The following CSMD3 variants were observed in gnomAD, a reference collection of about 807,000 sequenced individuals.
CSMD3 encodes CUB and Sushi multiple domains 3, also known as CUB and sushi domain-containing protein 3.
CSMD3 carries 177 observed loss-of-function variants against 435.2 expected under a neutral mutation model. That is an observed-to-expected ratio of 0.41 (90% CI 0.36 to 0.46). The LOEUF is 0.46. Ranked by LOEUF, CSMD3 falls within the 20% of genes least tolerant of loss-of-function variation. CSMD3 has a pLI of 0.34. For synonymous variants in CSMD3, 1,656 were observed against 1,520.5 expected, an observed-to-expected ratio of 1.09 and a Z score of -2.07; for missense variants, 4,265 against 4,504.6, an observed-to-expected ratio of 0.95 and a Z score of 1.52.
At chr8:112,592,164 C>A (rs1158372960) in intron 22 of CSMD3, among the ~76,000 whole-genome samples, 3 of 151,684 alleles carry the variant, frequency 2.0e-5, no homozygotes, top group Admixed American at 6.6e-5. Context: ...AATTTTTAGT[C>A]AAAAATATTT....
chr8:112,274,652 G>A (rs192700831), intron 59 of CSMD3, among the ~76,000 whole-genome samples: 28 of 152,150 alleles, frequency 1.8e-4, no homozygotes, highest in Non-Finnish European at 3.4e-4. Context: ...TTGTCATACA[G>A]AATTCTATAC....
chr8:113,332,656 T>C (rs1170039092), intron 1 of CSMD3, among the ~76,000 whole-genome samples: 4 of 151,722 alleles, frequency 2.6e-5, no homozygotes, highest in African/African-American at 7.2e-5. Context: ...TATCCTTTTT[T>C]TCATCAATTA....
intron 11 of CSMD3, among the ~76,000 whole-genome samples, chr8:112,834,843 G>A (rs2079975763): frequency 6.6e-6 from 1 of 151,732 alleles, no homozygotes; most frequent in African/African-American, 2.4e-5. Flanking sequence ...CATTTTGCCT[G>A]TTTTACTTCT....
chr8:112,729,231 A>T (rs187999272), intron 13 of CSMD3, among the ~76,000 whole-genome samples: 1 of 152,178 alleles, frequency 6.6e-6, no homozygotes, highest in Non-Finnish European at 1.5e-5. Flanking sequence ...GAGCAAAAGA[A>T]CAAGAGTGTT....
intron 13 of CSMD3, among the ~76,000 whole-genome samples, chr8:112,792,775 G>C (rs1231869165): frequency 6.6e-6 from 1 of 151,864 alleles, no homozygotes; most frequent in Non-Finnish European, 1.5e-5. Context: ...ATCTGTTTCT[G>C]CACCATTTAA....
chr8:112,747,083 A>G lies in CSMD3; in HGVS notation c.1972+53079T>C, dbSNP rs544100552. 2.7e-5 allele frequency among the ~76,000 whole-genome samples: 4 copies of G among 150,836 alleles called. No individual in the cohort carries two copies. The East Asian group carries it at 7.8e-4, about 30-fold the overall frequency. On this transcript the variant is annotated intron_variant, in intron 13 of 70. Coordinates refer to ENST00000297405, the MANE Select transcript of CSMD3 (RefSeq NM_198123.2). ...AAGGTACTACCCTTAAAATTTCCAT[A>G]TCATAATTCTACTCTTTCCTCTAGT...
At chr8:112,466,100 T>A (rs2130712360) in intron 32 of CSMD3, among the ~76,000 whole-genome samples, 1 of 152,218 alleles carries the variant, frequency 6.6e-6, no homozygotes, top group East Asian at 1.9e-4. Context: ...TTAGATAAAT[T>A]CAGTATTTAA....
intron 13 of CSMD3, among the ~76,000 whole-genome samples, chr8:112,742,227 G>T (rs1328454173): frequency 1.3e-5 from 2 of 151,922 alleles, no homozygotes; most frequent in African/African-American, 4.8e-5. Context: ...CACCATGTTA[G>T]TAATTTCTCA....
In CSMD3 at chr8:112,337,722, A is replaced by C. The variant is rs1824715771; in HGVS notation, c.6662T>G (p.Leu2221Trp). The change falls in exon 43 of 71, where the codon TTG (leucine) becomes TGG (tryptophan). Residue 2221 changes from leucine to tryptophan, a missense_variant. Coordinates refer to ENST00000297405, the MANE Select transcript of CSMD3 (RefSeq NM_198123.2). ...CGGGCGTGGATCAGGACAGCTTTGC[A>C]ACTGATAGGCTGGAAAGAGGAAAAA... ...GFHIVYQAYQ[L>W]QSCPDPRPFR... The C allele has an allele frequency of 6.2e-7, 1 of 1,611,872 alleles. No homozygotes were observed. Among genetic ancestry groups the C allele is most frequent in the East Asian group, 2.2e-5 (1 of 44,830 alleles).
intron 5 of CSMD3, among the ~76,000 whole-genome samples, chr8:113,029,468 A>G (rs1444220883): frequency 6.6e-6 from 1 of 151,702 alleles, no homozygotes; most frequent in Non-Finnish European, 1.5e-5. Context: ...GGGATGGTTT[A>G]ACATATGCAA....
intron 31 of CSMD3, among the ~76,000 whole-genome samples, chr8:112,490,405 A>C (rs1820571874): frequency 1.3e-5 from 2 of 152,274 alleles, no homozygotes; most frequent in South Asian, 4.1e-4. Flanking sequence ...GTTTTGGCTC[A>C]AAAGGATTTT....
intron 11 of CSMD3, among the ~76,000 whole-genome samples, chr8:112,855,505 G>C (rs577745899): frequency 4.7e-4 from 72 of 152,154 alleles, no homozygotes; most frequent in African/African-American, 1.7e-3. Flanking sequence ...GTCAGACTTT[G>C]TGTTTTAATT....
intron 63 of CSMD3, among the ~76,000 whole-genome samples, 198 bp from the exon 64 acceptor site, chr8:112,247,329 C>T (rs1814831478): frequency 2.0e-5 from 3 of 152,074 alleles, no homozygotes; most frequent in Admixed American, 2.0e-4. Context: ...TATTTGTTTA[C>T]ATATCATCAT....
chr8:112,325,686 A>G (rs182643363), intron 45 of CSMD3, among the ~76,000 whole-genome samples: 30 of 152,138 alleles, frequency 2.0e-4, no homozygotes, highest in African/African-American at 7.0e-4. Flanking sequence ...TATATATATG[A>G]ATGAGTATAT....
chr8:113,408,760 G>T (rs2094544390), intron 1 of CSMD3, among the ~76,000 whole-genome samples: 1 of 151,754 alleles, frequency 6.6e-6, no homozygotes, highest in South Asian at 2.1e-4. Flanking sequence ...TGGGTTCAAG[G>T]TTCAAGCGAT....
chr8:113,142,528 C>A (rs934284149), intron 4 of CSMD3, among the ~76,000 whole-genome samples: 1 of 151,006 alleles, frequency 6.6e-6, no homozygotes, highest in African/African-American at 2.4e-5. Flanking sequence ...AGAAAGATAA[C>A]CATTTCAACA....
At chr8:113,010,000 T>C (rs2086199395) in intron 6 of CSMD3, among the ~76,000 whole-genome samples, 1 of 151,826 alleles carries the variant, frequency 6.6e-6, no homozygotes, top group Middle Eastern at 3.2e-3. Context: ...GTCTGTTAAA[T>C]GTTTGACATA....
At chr8:113,368,197 C>A (rs10104356) in intron 1 of CSMD3, among the ~76,000 whole-genome samples, 3,215 of 152,184 alleles carry the variant, frequency 0.021, 130 homozygotes, top group African/African-American at 0.074. Context: ...ATACTTTCCC[C>A]TTTTGACTAA....
intron 67 of CSMD3, among the ~76,000 whole-genome samples, chr8:112,234,918 GAATA>G (rs1278812056): frequency 6.6e-6 from 1 of 152,134 alleles, no homozygotes; most frequent in Non-Finnish European, 1.5e-5. Flanking sequence ...CCACAAAGAT[GAATA>G]TATATTGTTC....
Sources: gnomAD v4.1 joint callset for allele counts (sites outside exome capture counted in the v4.1 genomes callset) on GRCh38, gnomAD v4.1.1 for gene constraint, MANE v1.5 for transcripts, NCBI Gene and HGNC (gene_info 2026-07-23, HGNC 2026-07-21) for gene names.